Variants in ADGRF5 observed in about 807,000 individuals in gnomAD.
The protein encoded by ADGRF5 is G-protein coupled receptor 116.
A neutral mutation model predicts 132.3 loss-of-function variants in ADGRF5; 75 were observed. The ratio of observed to expected loss-of-function variants is 0.57; its 90% CI spans 0.47 to 0.69. The LOEUF (loss-of-function observed/expected upper bound fraction) is 0.69, where lower values mean the gene tolerates loss of function less well. Ranked by LOEUF, ADGRF5 falls within the 30% of genes least tolerant of loss-of-function variation. ADGRF5 has a pLI of 0.00. For synonymous variants in ADGRF5, 629 were observed against 597.6 expected, an observed-to-expected ratio of 1.05 and a Z score of -0.77; for missense variants, 1,516 against 1,630.6, an observed-to-expected ratio of 0.93 and a Z score of 1.21.
chr6:46,881,417 C>T, intron 8 of ADGRF5, 38 bp downstream of exon 8: 1 of 1,572,390 alleles, frequency 6.4e-7, no homozygotes, highest in Non-Finnish European at 8.7e-7. Context: ...TACGCATAAC[C>T]ATAAATAACA....
chr6:46,945,216 C>T (rs923739752), intron 1 of ADGRF5, among the ~76,000 whole-genome samples: 1 of 152,146 alleles, frequency 6.6e-6, no homozygotes, highest in African/African-American at 2.4e-5. Flanking sequence ...TGCTTTTAAA[C>T]AGGACTTTAA....
In ADGRF5 at chr6:46,862,703, C is replaced by CT. The variant is rs67565937; in HGVS notation, c.2199+184dup. Reference sequence around the variant, plus strand: ...AGTTGTCTTAGTATTTGAATTGAGGCTTTTTTTTTTTTTTTTTTTTTTTTT... The same window carrying CT: ...AGTTGTCTTAGTATTTGAATTGAGGCTTTTTTTTTTTTTTTTTTTTTTTTTT... On this transcript the variant is annotated intron_variant, in intron 15 of 20. Transcript: ENST00000283296. Among the ~76,000 whole-genome samples the CT allele has an allele frequency of 7.7e-3, 203 of 26,508 alleles. 21 individuals are homozygous for CT. The highest frequency in any genetic ancestry group is 0.045 in the Middle Eastern group (1 of 22). 17.4% of individuals were successfully genotyped at this position (26,508 alleles called of 152,430 possible).
intron 1 of ADGRF5, among the ~76,000 whole-genome samples, chr6:46,937,645 C>T (rs1227298048): frequency 4.6e-5 from 7 of 152,092 alleles, no homozygotes; most frequent in Admixed American, 3.9e-4. Context: ...AAATTAGGTA[C>T]AGTTAAGAGA....
chr6:46,953,556 A>T (rs534642718), intron 1 of ADGRF5, among the ~76,000 whole-genome samples: 44 of 150,232 alleles, frequency 2.9e-4, no homozygotes. Context: ...CAAGAGGCAG[A>T]GGTTGTGCTG....
Position 46,866,974 on chromosome 6 carries a change from A to G in ADGRF5, c.1785T>C (p.Asp595=), listed in dbSNP as rs778628707. 7 of 1,613,800 alleles carry G rather than the reference A, an allele frequency of 4.3e-6. No homozygotes were observed. In the Admixed American group the frequency reaches 8.3e-5, roughly 19 times the overall value. The change falls in exon 13 of 21, where the codon GAT becomes GAC. Residue 595 remains aspartate (D), a synonymous_variant. Coordinates refer to ENST00000283296, the MANE Select transcript of ADGRF5 (RefSeq NM_001098518.2). The part of the protein sequence containing the change: ...SHHIKCCIEE[D]GDYKVTFHTG... Reference sequence around the variant, plus strand: ...TATGGAAAGTAACTTTGTAGTCTCCATCCTCCTCTATGCAGCACTTGATGT... The same window carrying G: ...TATGGAAAGTAACTTTGTAGTCTCCGTCCTCCTCTATGCAGCACTTGATGT...
intron 11 of ADGRF5, 44 bp from the exon 12 acceptor site, chr6:46,869,136 T>A: frequency 6.3e-7 from 1 of 1,584,672 alleles, no homozygotes; most frequent in Admixed American, 1.7e-5. Context: ...AACTGACAAG[T>A]TCAATGTGTA....
chr6:46,880,902 G>T (rs1216893939), intron 8 of ADGRF5, among the ~76,000 whole-genome samples: 1 of 151,974 alleles, frequency 6.6e-6, no homozygotes, highest in Non-Finnish European at 1.5e-5. Flanking sequence ...ACCAGCCTGG[G>T]CAACATAGTG....
chr6:46,874,344 C>T (rs187279414), intron 10 of ADGRF5, among the ~76,000 whole-genome samples: 108 of 152,294 alleles, frequency 7.1e-4, no homozygotes, highest in African/African-American at 2.6e-3. Context: ...TTCCCTCTTC[C>T]TCCTGCTGAT....
intron 1 of ADGRF5, among the ~76,000 whole-genome samples, chr6:46,914,265 C>A: frequency 6.6e-6 from 1 of 152,058 alleles, no homozygotes; most frequent in African/African-American, 2.4e-5. Flanking sequence ...ATTAAAAAAC[C>A]CTTAAGTGTA....
chr6:46,880,931 A>T (rs1244815244), intron 8 of ADGRF5, among the ~76,000 whole-genome samples: 2 of 151,744 alleles, frequency 1.3e-5, no homozygotes, highest in African/African-American at 4.8e-5. Flanking sequence ...TCTCTACAAA[A>T]AATAATAAAA....
upstream of ADGRF5, among the ~76,000 whole-genome samples, chr6:46,922,303 G>A (rs974214624): frequency 6.6e-6 from 1 of 152,134 alleles, no homozygotes; most frequent in African/African-American, 2.4e-5. Flanking sequence ...TGCCAAGAAA[G>A]CAGAGAAAAA....
chr6:46,944,297 T>C, intron 1 of ADGRF5, among the ~76,000 whole-genome samples: 1 of 152,206 alleles, frequency 6.6e-6, no homozygotes, highest in East Asian at 1.9e-4. Flanking sequence ...GAGAATCGAA[T>C]GCCACCACTG....
chr6:46,937,580 C>A (rs1276307841), intron 1 of ADGRF5, among the ~76,000 whole-genome samples: 4 of 152,124 alleles, frequency 2.6e-5, no homozygotes, highest in South Asian at 2.1e-4. Flanking sequence ...TAGTACTAAA[C>A]CCCATATATA....
At chr6:46,905,176 C>T (rs1775198348) in intron 2 of ADGRF5, 1 of 152,266 alleles carries the variant, frequency 6.6e-6, no homozygotes, top group Non-Finnish European at 1.5e-5. Flanking sequence ...GCTTTTACCC[C>T]ACCTGCCTTG....
At position 46,858,670 on chromosome 6, in the gene ADGRF5, C is replaced by A. The variant is rs143364971; in HGVS notation, c.3233G>T (p.Arg1078Leu). The A allele has an allele frequency of 1.1e-5, 18 of 1,613,974 alleles. No individual in the cohort carries two copies. In the Admixed American group the frequency reaches 2.8e-4, roughly 25 times the overall value. ...FIVVAAIQDN[R>L]YILCKTACVA... ...ACAGGCTGTCTTGCAGAGTATGTAGCGATTGTCCTGGATGGCAGCGACCAC... is the reference window on the plus strand; with the variant it reads ...ACAGGCTGTCTTGCAGAGTATGTAGAGATTGTCCTGGATGGCAGCGACCAC... The change falls in exon 17 of 21, where the codon CGC becomes CTC. Residue 1078 changes from arginine (R) to leucine (L), a missense_variant. Transcript: ENST00000283296.
chr6:46,893,416 C>A (rs548398967), intron 3 of ADGRF5, among the ~76,000 whole-genome samples: 10 of 152,218 alleles, frequency 6.6e-5, no homozygotes, highest in African/African-American at 2.2e-4. Context: ...ACCTAAGGAG[C>A]AGCTTAGATG....
At chr6:46,936,556 C>T (rs961158437) in intron 1 of ADGRF5, among the ~76,000 whole-genome samples, 3 of 152,168 alleles carry the variant, frequency 2.0e-5, no homozygotes, top group African/African-American at 4.8e-5. Context: ...AAATCATGCA[C>T]GCATTCATTC....
chr6:46,900,489 C>G (rs1302444700), intron 2 of ADGRF5, among the ~76,000 whole-genome samples: 4 of 151,658 alleles, frequency 2.6e-5, no homozygotes, highest in Non-Finnish European at 4.4e-5. Context: ...TCAACACTCA[C>G]CCTGTCCTAA....
intron 1 of ADGRF5, among the ~76,000 whole-genome samples, chr6:46,911,357 G>A (rs777340752): frequency 2.0e-5 from 3 of 152,314 alleles, no homozygotes; most frequent in East Asian, 1.9e-4. Flanking sequence ...CAATGCTCAC[G>A]CAAAAGTAAA....
Sources: allele counts gnomAD v4.1 joint callset (sites outside exome capture counted in the v4.1 genomes callset), GRCh38; gene constraint gnomAD v4.1.1; transcripts MANE v1.5; gene names NCBI Gene and HGNC (gene_info 2026-07-23, HGNC 2026-07-21).